Variants in GFOD1 observed in about 807,000 individuals in gnomAD.
The protein encoded by GFOD1 is Gfo/Idh/MocA-like oxidoreductase domain containing 1, also known as glucose-fructose oxidoreductase domain-containing protein 1.
In GFOD1, 9 loss-of-function variants were observed where a neutral mutation model predicts 25.4. The observed-to-expected ratio is 0.35, with a 90% CI of 0.21 to 0.62. The LOEUF is 0.62. Ranked by LOEUF, GFOD1 falls within the 20% of genes least tolerant of loss-of-function variation. GFOD1 has a pLI of 0.72. For missense variants in GFOD1, 403 were observed against 556.9 expected, an observed-to-expected ratio of 0.72 and a Z score of 2.78; for synonymous variants, 253 against 245.6, an observed-to-expected ratio of 1.03 and a Z score of -0.28.
At chr6:13,378,758 G>A (rs1448119056) in intron 1 of GFOD1, among the ~76,000 whole-genome samples, 27 of 152,176 alleles carry the variant, frequency 1.8e-4, no homozygotes, top group Admixed American at 1.8e-3. Context: ...GAAAGCCACT[G>A]CGGGATCACA....
At chr6:13,398,928 C>A (rs76535473) in intron 1 of GFOD1, among the ~76,000 whole-genome samples, 4,492 of 152,300 alleles carry the variant, frequency 0.029, 237 homozygotes, top group African/African-American at 0.1. Context: ...TTTTTTCTAG[C>A]ACAAATCATG....
chr6:13,432,044 ACT>A (rs905225763), intron 1 of GFOD1, among the ~76,000 whole-genome samples: 2 of 152,006 alleles, frequency 1.3e-5, no homozygotes, highest in African/African-American at 4.8e-5. Context: ...TTCCCCGGTG[ACT>A]CAGCCCCAGC....
intron 1 of GFOD1, among the ~76,000 whole-genome samples, chr6:13,380,115 A>G (rs73723289): frequency 0.026 from 3,924 of 152,330 alleles, 132 homozygotes; most frequent in African/African-American, 0.083. Flanking sequence ...TAGAGCTGCA[A>G]GAATTCAAAA....
chr6:13,478,753 T>C (rs1489628885), intron 1 of GFOD1, among the ~76,000 whole-genome samples: 1 of 152,210 alleles, frequency 6.6e-6, no homozygotes, highest in African/African-American at 2.4e-5. Flanking sequence ...CACATGAACC[T>C]GTGAAGCAGA....
At chr6:13,369,710 G>T (rs1377834720) in intron 1 of GFOD1, among the ~76,000 whole-genome samples, 3 of 152,100 alleles carry the variant, frequency 2.0e-5, no homozygotes, top group African/African-American at 7.2e-5. Flanking sequence ...AACAGAAAAA[G>T]GGTTAAGTCA....
At chr6:13,473,194 G>T (rs570859469) in intron 1 of GFOD1, among the ~76,000 whole-genome samples, 2 of 152,218 alleles carry the variant, frequency 1.3e-5, no homozygotes, top group Admixed American at 1.3e-4. Flanking sequence ...TATTGCTGCA[G>T]CCAGCCCTGA....
rs1391231647 is a variant in GFOD1, at chr6:13,360,739, G to T, written c.*4004C>A. On this transcript the variant is annotated 3_prime_UTR_variant, in exon 2 of 2. Coordinates refer to ENST00000379287, the MANE Select transcript of GFOD1 (RefSeq NM_018988.4). ...GATGTTGCATCCTGCTGAACAGGAG[G>T]GTGCTGACAGCAGGCTGAGTGGAGC... 2.2e-6 allele frequency: 1 copy of T among 456,636 alleles called. No individual in the cohort carries two copies. Among genetic ancestry groups the T allele is most frequent in the African/African-American group, 2.0e-5 (1 of 50,076 alleles). The allele number at this position is 456,636 out of a possible 1,614,324, so 28.3% of individuals were successfully genotyped here. A position where few individuals can be genotyped will look rare whatever the true frequency, so the allele number is the denominator to read the frequency against.
chr6:13,452,840 T>A (rs564270589), intron 1 of GFOD1, among the ~76,000 whole-genome samples: 1 of 152,302 alleles, frequency 6.6e-6, no homozygotes, highest in African/African-American at 2.4e-5. Context: ...TCCCAAGCTT[T>A]GGGACTGGAG....
At chr6:13,470,120 G>C in intron 1 of GFOD1, 1 of 1,467,890 alleles carries the variant, frequency 6.8e-7, no homozygotes, top group Non-Finnish European at 9.2e-7. Context: ...AAATACTGCA[G>C]TTGGAAAATC....
intron 1 of GFOD1, among the ~76,000 whole-genome samples, chr6:13,440,410 C>T (rs950545542): frequency 6.6e-6 from 1 of 152,060 alleles, no homozygotes; most frequent in East Asian, 1.9e-4. Flanking sequence ...AGGCTGGTCT[C>T]GAACTCCTGA....
chr6:13,420,332 C>T (rs1275259713), intron 1 of GFOD1, among the ~76,000 whole-genome samples: 3 of 152,100 alleles, frequency 2.0e-5, no homozygotes, highest in Admixed American at 1.3e-4. Flanking sequence ...GGTCTGAGGG[C>T]GAGGGAACAG....
chr6:13,403,326 A>C (rs375198272), intron 1 of GFOD1, among the ~76,000 whole-genome samples: 87 of 152,188 alleles, frequency 5.7e-4, no homozygotes, highest in African/African-American at 1.9e-3. Flanking sequence ...GGGTTTTGCC[A>C]TGTTGGCCAG....
intron 1 of GFOD1, among the ~76,000 whole-genome samples, chr6:13,431,376 A>C (rs879453450): frequency 3.9e-5 from 6 of 152,234 alleles, no homozygotes; most frequent in Non-Finnish European, 8.8e-5. Context: ...TGGACCTCCT[A>C]TTCTTTCTAC....
rs73364951 is a variant in GFOD1 at position 13,361,378 on chromosome 6, G to A, written c.*3365C>T. Reference sequence around the variant, plus strand: ...AGGCCATTCGCACATTGATGGGAACGAAACAGGCATGCAGGAACTAAATGG... The same window carrying A: ...AGGCCATTCGCACATTGATGGGAACAAAACAGGCATGCAGGAACTAAATGG... On this transcript the variant is annotated 3_prime_UTR_variant, in exon 2 of 2. Coordinates refer to ENST00000379287, the MANE Select transcript of GFOD1 (RefSeq NM_018988.4). 1.7e-3 allele frequency: 271 copies of A among 157,622 alleles called. 1 individual carries two copies. The highest frequency in any genetic ancestry group is 6.2e-3 in the African/African-American group (256 of 41,578). The allele number at this position is 157,622 out of a possible 1,614,324, so 9.8% of individuals were successfully genotyped here.
chr6:13,454,646 T>A (rs965775299), intron 1 of GFOD1, among the ~76,000 whole-genome samples: 8 of 152,152 alleles, frequency 5.3e-5, no homozygotes, highest in African/African-American at 1.9e-4. Context: ...ACCACTCCCG[T>A]CCAGGAGCAC....
At chr6:13,396,963 A>G (rs62386725) in intron 1 of GFOD1, among the ~76,000 whole-genome samples, 33,261 of 152,144 alleles carry the variant, frequency 0.22, 3,749 homozygotes, top group East Asian at 0.34. Context: ...TTCAAGTCAG[A>G]GGAAGGGATA....
rs184307104 is a variant in GFOD1 at position 13,410,142 on chromosome 6, G to A, written c.254-44480C>T. Among the ~76,000 whole-genome samples the A allele has an allele frequency of 3.7e-3, 561 of 151,850 alleles. 2 individuals carry two copies. The highest frequency in any genetic ancestry group is 6.5e-3 in the Non-Finnish European group (440 of 67,984). On this transcript the variant is annotated intron_variant, in intron 1 of 1. Transcript: ENST00000379287. ...AATGTTTTGTTTGGCACTCTGGGAA[G>A]ATGCCTTAACTTCAGATAAATATAG... is the stretch of plus-strand genomic sequence containing the variant.
At chr6:13,482,692 G>A (rs1466813511) in intron 1 of GFOD1, among the ~76,000 whole-genome samples, 1 of 152,106 alleles carries the variant, frequency 6.6e-6, no homozygotes, top group Non-Finnish European at 1.5e-5. Context: ...AGGTTGCAGT[G>A]AGCCAAGATC....
intron 1 of GFOD1, among the ~76,000 whole-genome samples, chr6:13,401,633 G>A (rs1785846379): frequency 6.6e-6 from 1 of 152,018 alleles, no homozygotes; most frequent in Non-Finnish European, 1.5e-5. Flanking sequence ...TACAAAATAT[G>A]TACTATGAAA....
Sources: allele counts gnomAD v4.1 joint callset (sites outside exome capture counted in the v4.1 genomes callset), GRCh38; gene constraint gnomAD v4.1.1; transcripts MANE v1.5; gene names NCBI Gene and HGNC (gene_info 2026-07-23, HGNC 2026-07-21).